RAPGEF5: variants seen among roughly 807,000 people sequenced by gnomAD.
RAPGEF5 encodes the protein Rap guanine nucleotide exchange factor 5.
RAPGEF5 carries 65 observed loss-of-function variants against 125.2 expected under a neutral mutation model. That is an observed-to-expected ratio of 0.52 (90% CI 0.43 to 0.64). The LOEUF (loss-of-function observed/expected upper bound fraction) is 0.64. RAPGEF5 is among the 30% of genes least tolerant of loss of function. The probability of loss-of-function intolerance (pLI) is 0.00; values close to 1 mark genes in which losing one functional copy is unlikely to be tolerated. For synonymous variants in RAPGEF5, 391 were observed against 385.9 expected, an observed-to-expected ratio of 1.01 and a Z score of -0.16; for missense variants, 958 against 1,048.1, an observed-to-expected ratio of 0.91 and a Z score of 1.19.
At position 22,339,547 on chromosome 7, in the gene RAPGEF5, CAGATTTT is replaced by C. The variant is rs1166715147; in HGVS notation, c.231+17276_231+17282del. Among the ~76,000 whole-genome samples the C allele has an allele frequency of 9.9e-5, 15 of 152,158 alleles. No homozygotes were observed. In the East Asian group the frequency reaches 1.4e-3, roughly 14 times the overall value. Reference sequence around the variant, plus strand: ...GACACATTAGAGTAAGTGCATGACACAGATTTTAGAAGGAAGAAAAGATACCAGGAAA... The same window carrying C: ...GACACATTAGAGTAAGTGCATGACACAGAAGGAAGAAAAGATACCAGGAAA... On this transcript the variant is annotated intron_variant, in intron 1 of 25. Coordinates refer to ENST00000665637, the MANE Select transcript of RAPGEF5 (RefSeq NM_012294.5).
intron 1 of RAPGEF5, 96 bp from the exon 2 acceptor site, chr7:22,318,133 G>A (rs1239047874): frequency 3.4e-6 from 4 of 1,173,782 alleles, no homozygotes; most frequent in African/African-American, 3.3e-5. Context: ...GCAGGCCTCT[G>A]CTATGAAAAA....
intron 8 of RAPGEF5, among the ~76,000 whole-genome samples, chr7:22,223,057 C>G (rs1785832116): frequency 6.6e-6 from 1 of 152,036 alleles, no homozygotes; most frequent in Non-Finnish European, 1.5e-5. Context: ...TCTGGAGGTT[C>G]AGGGGAAGTC....
chr7:22,168,752 C>T (rs1339701212), intron 11 of RAPGEF5, among the ~76,000 whole-genome samples: 1 of 152,186 alleles, frequency 6.6e-6, no homozygotes, highest in Non-Finnish European at 1.5e-5. Context: ...TAACTTATTT[C>T]TGCTTGGTTG....
At chr7:22,272,324 C>T (rs1211318012) in intron 6 of RAPGEF5, among the ~76,000 whole-genome samples, 1 of 108,684 alleles carries the variant, frequency 9.2e-6, no homozygotes, top group Non-Finnish European at 1.7e-5. Context: ...GCCTGGGCAA[C>T]AGAGCAAGAC....
chr7:22,322,820 A>G lies in RAPGEF5; in HGVS notation c.232-4783T>C, dbSNP rs73077343. On this transcript the variant is annotated intron_variant, in intron 1 of 25. Transcript: ENST00000665637. ...AGAATCTCTACGAGGAGACCTGGGC[A>G]GTCTTTCCTCAAATTTCCCAGGTGG... Among the ~76,000 whole-genome samples the G allele has an allele frequency of 3.0e-3, 450 of 152,346 alleles. 2 individuals are homozygous for G. Among genetic ancestry groups the G allele is most frequent in the Non-Finnish European group, 5.3e-3 (363 of 68,028 alleles).
At chr7:22,293,480 C>T (rs919069227) in intron 5 of RAPGEF5, among the ~76,000 whole-genome samples, 6 of 152,152 alleles carry the variant, frequency 3.9e-5, no homozygotes, top group African/African-American at 1.2e-4. Context: ...CTCTCATCTT[C>T]GCTTGAACAA....
Position 22,150,513 on chromosome 7 carries a change from G to GAAAAAAA in RAPGEF5, c.1787-16_1787-10dup. ...CTGAAGTTCATGCTTTTCTTTATTT[G>GAAAAAAA]AAAAAAAAAAAAAAAAAAGGAATAA... is the stretch of plus-strand genomic sequence containing the variant. On this transcript the variant is annotated splice_polypyrimidine_tract_variant and intron_variant, in intron 17 of 25. Transcript: ENST00000665637. 15 of 1,352,472 alleles carry GAAAAAAA rather than the reference G, an allele frequency of 1.1e-5. No homozygotes were observed. Among genetic ancestry groups the GAAAAAAA allele is most frequent in the East Asian group, 8.5e-5 (3 of 35,150 alleles). The allele number at this position is 1,352,472 out of a possible 1,614,324, so 83.8% of individuals were successfully genotyped here. A position where few individuals can be genotyped will look rare whatever the true frequency, so the allele number is the denominator to read the frequency against.
chr7:22,264,644 T>C (rs1012039514), intron 7 of RAPGEF5, among the ~76,000 whole-genome samples: 2 of 152,178 alleles, frequency 1.3e-5, no homozygotes, highest in Non-Finnish European at 2.9e-5. Flanking sequence ...CCAAATACTC[T>C]GTGGATAGCC....
intron 9 of RAPGEF5, chr7:22,202,921 G>A (rs755782975): frequency 2.7e-6 from 1 of 366,652 alleles, no homozygotes; most frequent in South Asian, 2.0e-5. Context: ...AGTAAATAGA[G>A]GGCAGAAAAA....
At chr7:22,296,413 A>T (rs955050044) in intron 5 of RAPGEF5, among the ~76,000 whole-genome samples, 1 of 152,134 alleles carries the variant, frequency 6.6e-6, no homozygotes, top group Non-Finnish European at 1.5e-5. Context: ...TGTGGGAAAT[A>T]ACCTCTATTG....
chr7:22,161,157 C>G (rs1194296195), intron 13 of RAPGEF5, among the ~76,000 whole-genome samples: 1 of 151,984 alleles, frequency 6.6e-6, no homozygotes, highest in South Asian at 2.1e-4. Context: ...TGCAGTGAGC[C>G]GAGATCGCGC....
At chr7:22,177,658 G>A (rs1255873592) in intron 11 of RAPGEF5, among the ~76,000 whole-genome samples, 1 of 152,180 alleles carries the variant, frequency 6.6e-6, no homozygotes, top group Non-Finnish European at 1.5e-5. Context: ...CATGGCCTGC[G>A]CCCCTCATAT....
At chr7:22,322,141 CTT>C (rs561923613) in intron 1 of RAPGEF5, among the ~76,000 whole-genome samples, 6 of 144,602 alleles carry the variant, frequency 4.1e-5, no homozygotes, top group Admixed American at 6.9e-5. Flanking sequence ...TTTTCTTTTT[CTT>C]TTTTTTTTTT....
chr7:22,330,065 CT>C (rs1233435596), intron 1 of RAPGEF5, among the ~76,000 whole-genome samples: 1 of 152,206 alleles, frequency 6.6e-6, no homozygotes, highest in Non-Finnish European at 1.5e-5. Context: ...CATTTCCACT[CT>C]CATAGCCCTG....
intron 1 of RAPGEF5, among the ~76,000 whole-genome samples, chr7:22,326,298 G>A (rs1371852240): frequency 6.6e-6 from 1 of 152,172 alleles, no homozygotes; most frequent in Admixed American, 6.5e-5. Context: ...TCCTCTAAAC[G>A]ATGTGAGACA....
At chr7:22,290,744 CAAAA>C (rs398003971) in intron 6 of RAPGEF5, among the ~76,000 whole-genome samples, 1 of 86,190 alleles carries the variant, frequency 1.2e-5, no homozygotes, top group African/African-American at 4.0e-5. Flanking sequence ...GACTCCGTCT[CAAAA>C]AAAAAAAAAA....
At chr7:22,237,651 A>G (rs1786227631) in intron 7 of RAPGEF5, among the ~76,000 whole-genome samples, 1 of 152,094 alleles carries the variant, frequency 6.6e-6, no homozygotes, top group African/African-American at 2.4e-5. Flanking sequence ...GGTCAGGGAA[A>G]TGGATTTGAG....
chr7:22,213,360 G>A (rs1205172408), intron 9 of RAPGEF5, among the ~76,000 whole-genome samples: 1 of 152,190 alleles, frequency 6.6e-6, no homozygotes, highest in Admixed American at 6.5e-5. Context: ...AATGAGAAGA[G>A]CATGGTTTGC....
At chr7:22,322,052 A>C (rs1783724398) in intron 1 of RAPGEF5, among the ~76,000 whole-genome samples, 2 of 152,108 alleles carry the variant, frequency 1.3e-5, no homozygotes, top group African/African-American at 4.8e-5. Flanking sequence ...CTATGATAAC[A>C]TGCTGCACAT....
Sources: allele counts gnomAD v4.1 joint callset (sites outside exome capture counted in the v4.1 genomes callset), GRCh38; gene constraint gnomAD v4.1.1; transcripts MANE v1.5; gene names NCBI Gene and HGNC (gene_info 2026-07-23, HGNC 2026-07-21).